BRD9: variants seen among roughly 807,000 people sequenced by gnomAD.
BRD9 encodes the protein bromodomain-containing protein 9.
A neutral mutation model predicts 68.7 loss-of-function variants in BRD9; 47 were observed. That is an observed-to-expected ratio of 0.68 (90% CI 0.54 to 0.87). BRD9 has a LOEUF of 0.87. Ranked by LOEUF, BRD9 falls within the 40% of genes least tolerant of loss-of-function variation. BRD9 has a pLI of 0.00. For missense variants in BRD9, 670 were observed against 748.4 expected, an observed-to-expected ratio of 0.90 and a Z score of 1.22; for synonymous variants, 313 against 293.9, an observed-to-expected ratio of 1.06 and a Z score of -0.67.
At position 876,046 on chromosome 5, in the gene BRD9, G is replaced by A. The variant is rs72703144; in HGVS notation, c.1383+55C>T. On this transcript the variant is annotated intron_variant, in intron 12 of 15. Transcript: ENST00000467963. Reference sequence around the variant, plus strand: ...CCTGGTCAGGCTGCAGGCTCTTCCCGCCAGCAGCACCCCAAGGGCACCTGC... The same window carrying A: ...CCTGGTCAGGCTGCAGGCTCTTCCCACCAGCAGCACCCCAAGGGCACCTGC... The A allele has an allele frequency of 0.056, 72,792 of 1,299,518 alleles. 2,546 individuals are homozygous for A. Among genetic ancestry groups the A allele is most frequent in the African/African-American group, 0.13 (9,268 of 68,716 alleles). The allele number at this position is 1,299,518 out of a possible 1,614,324, so 80.5% of individuals were successfully genotyped here.
chr5:891,275 G>A lies in BRD9; in HGVS notation c.280C>T (p.Arg94Trp). The A allele has an allele frequency of 6.4e-7, 1 of 1,551,456 alleles. No individual in the cohort carries two copies. Among genetic ancestry groups the A allele is most frequent in the Non-Finnish European group, 8.7e-7 (1 of 1,146,824 alleles). ...ERRKRKEEKK[R>W]KREREHCDTE... ...TCACAGTGCTCCCTCTCTCGCTTCC[G>A]CTTCTTCTCTTCCTGGGCGGCAGAG... The change falls in exon 3 of 16, where the codon CGG (arginine) becomes TGG (tryptophan). Residue 94 changes from arginine to tryptophan, a missense_variant. Physicochemically the swap from Arg to Trp is moderately radical, Grantham distance 101 (BLOSUM62 -3). Coordinates refer to ENST00000467963, the MANE Select transcript of BRD9 (RefSeq NM_023924.5).
At chr5:886,072 A>G (rs960309918) in intron 7 of BRD9, among the ~76,000 whole-genome samples, 6 of 152,104 alleles carry the variant, frequency 3.9e-5, no homozygotes, top group African/African-American at 1.4e-4. Context: ...TGCAGTCCTC[A>G]CCTGCTTCCC....
At chr5:876,750 G>C (rs1236532443) in intron 11 of BRD9, among the ~76,000 whole-genome samples, 1 of 152,216 alleles carries the variant, frequency 6.6e-6, no homozygotes, top group African/African-American at 2.4e-5. Flanking sequence ...AAAGCACCAA[G>C]CAAGCGCCTC....
intron 10 of BRD9, 67 bp from the exon 11 acceptor site, chr5:878,554 C>G: frequency 6.2e-7 from 1 of 1,603,728 alleles, no homozygotes; most frequent in South Asian, 1.1e-5. Context: ...CCCCACCCCG[C>G]TTCTCCAGGG....
chr5:876,217 A>G lies in BRD9; in HGVS notation c.1272-5T>C, dbSNP rs1363929030. ...TCCTTCACAAACTCCTGCAGGCTAGAGGGGCCGCGGGAGAAGGTACGCTGA... is the reference window on the plus strand; with the variant it reads ...TCCTTCACAAACTCCTGCAGGCTAGGGGGGCCGCGGGAGAAGGTACGCTGA... On this transcript the variant is annotated splice_polypyrimidine_tract_variant and splice_region_variant and intron_variant, in intron 11 of 15. Transcript: ENST00000467963. 3 of 1,610,842 alleles carry G rather than the reference A, an allele frequency of 1.9e-6. No homozygotes were observed. The highest frequency in any genetic ancestry group is 2.5e-6 in the Non-Finnish European group (3 of 1,177,480).
At chr5:880,510 C>T (rs1269909488) in intron 9 of BRD9, among the ~76,000 whole-genome samples, 2 of 152,052 alleles carry the variant, frequency 1.3e-5, no homozygotes, top group African/African-American at 2.4e-5. Context: ...AGGGTGAGAG[C>T]GAGGGAAGCA....
chr5:869,137 A>T (rs1749777467), intron 14 of BRD9: 4 of 295,458 alleles, frequency 1.4e-5, no homozygotes, highest in African/African-American at 9.1e-5. Flanking sequence ...TGAAAAATAA[A>T]ATTCTAAGCC....
intron 10 of BRD9, chr5:878,708 G>A (rs112329685): frequency 1.1e-4 from 68 of 596,722 alleles, no homozygotes; most frequent in Admixed American, 1.8e-4. Context: ...GCCAAAGACC[G>A]CAGGGAAATG....
intron 7 of BRD9, among the ~76,000 whole-genome samples, chr5:885,429 C>T (rs1752411553): frequency 6.6e-6 from 1 of 152,202 alleles, no homozygotes; most frequent in African/African-American, 2.4e-5. Flanking sequence ...CGCTGCCGCC[C>T]CACCTGTTAA....
intron 14 of BRD9, chr5:870,271 T>A (rs963925677): frequency 1.3e-5 from 7 of 555,820 alleles, no homozygotes; most frequent in Non-Finnish European, 2.3e-5. Context: ...CTCATTAGCT[T>A]AAAAAAGACA....
chr5:867,994 T>A (rs1324202698), intron 14 of BRD9, among the ~76,000 whole-genome samples: 2 of 152,238 alleles, frequency 1.3e-5, no homozygotes, highest in Non-Finnish European at 1.5e-5. Context: ...AATCTCATGT[T>A]GAATTGTAAT....
rs1467807183 is a variant in BRD9 at position 863,754 on chromosome 5, C to T, written c.*714G>A. 1.3e-5 allele frequency: 2 copies of T among 152,214 alleles called. No homozygotes were observed. The highest frequency in any genetic ancestry group is 2.4e-5 in the African/African-American group (1 of 41,432). The allele number at this position is 152,214 out of a possible 1,614,324, so 9.4% of individuals were successfully genotyped here. A position where few individuals can be genotyped will look rare whatever the true frequency, so the allele number is the denominator to read the frequency against. ...ACTCAGTAAACACCCAGTTAGAAAACGTTTTATGGACACGGAACGCTCCAC... is the reference window on the plus strand; with the variant it reads ...ACTCAGTAAACACCCAGTTAGAAAATGTTTTATGGACACGGAACGCTCCAC... On this transcript the variant is annotated 3_prime_UTR_variant, in exon 16 of 16. Coordinates refer to ENST00000467963, the MANE Select transcript of BRD9 (RefSeq NM_023924.5).
intron 14 of BRD9, chr5:868,973 C>T: frequency 4.5e-6 from 1 of 220,922 alleles, no homozygotes; most frequent in Non-Finnish European, 9.0e-6. Context: ...GCACAGTCTC[C>T]AGGATGGCCC....
chr5:889,492 T>C lies in BRD9; in HGVS notation c.461+95A>G. On this transcript the variant is annotated intron_variant, in intron 4 of 15. Coordinates refer to ENST00000467963, the MANE Select transcript of BRD9 (RefSeq NM_023924.5). The stretch of plus-strand genomic sequence containing the variant: ...ACCAAGAGAAGGTGCAGGGTCTGTT[T>C]CACAGCTGACGAGGCTGGCGTGGGG... 10 of 1,386,326 alleles carry C rather than the reference T, an allele frequency of 7.2e-6. 1 individual carries two copies. The South Asian group carries it at 1.1e-4, about 16-fold the overall frequency. 85.9% of individuals were successfully genotyped at this position (1,386,326 alleles called of 1,614,324 possible). A position where few individuals can be genotyped will look rare whatever the true frequency, so the allele number is the denominator to read the frequency against.
intron 14 of BRD9, chr5:866,264 G>A (rs776282452): frequency 6.6e-6 from 1 of 152,308 alleles, no homozygotes; most frequent in Non-Finnish European, 1.5e-5. Flanking sequence ...TCAAAGGTGT[G>A]TAAGCAGACC....
At chr5:875,062 G>C (rs540884881) in intron 12 of BRD9, among the ~76,000 whole-genome samples, 1 of 152,316 alleles carries the variant, frequency 6.6e-6, no homozygotes, top group Admixed American at 6.5e-5. Context: ...AAGGCACCTG[G>C]AAAATACAAT....
chr5:892,357 G>T, intron 1 of BRD9: 1 of 839,506 alleles, frequency 1.2e-6, no homozygotes, highest in Non-Finnish European at 1.7e-6. Context: ...TAGTCTCCAG[G>T]ACCGGGGTGA....
chr5:877,014 C>T (rs1339668855), intron 11 of BRD9, among the ~76,000 whole-genome samples: 7 of 152,252 alleles, frequency 4.6e-5, no homozygotes, highest in Admixed American at 3.9e-4. Context: ...AGGAGATGTG[C>T]TTCTGAGTGT....
At chr5:866,808 CAG>C (rs1749440920) in intron 14 of BRD9, among the ~76,000 whole-genome samples, 1 of 152,122 alleles carries the variant, frequency 6.6e-6, no homozygotes, top group Admixed American at 6.5e-5. Flanking sequence ...CTTGCACAAA[CAG>C]AAAAATGACC....
Sources: gnomAD v4.1 joint callset for allele counts (sites outside exome capture counted in the v4.1 genomes callset) on GRCh38, gnomAD v4.1.1 for gene constraint, MANE v1.5 for transcripts, NCBI Gene and HGNC (gene_info 2026-07-23, HGNC 2026-07-21) for gene names.